DDX10: variants seen among roughly 807,000 people sequenced by gnomAD.
DDX10 encodes the protein probable ATP-dependent RNA helicase DDX10.
A neutral mutation model predicts 104.3 loss-of-function variants in DDX10; 74 were observed. That is an observed-to-expected ratio of 0.71 (90% CI 0.59 to 0.86). DDX10 has a LOEUF of 0.86. DDX10 is among the 40% of genes least tolerant of loss of function. The pLI, the probability that DDX10 is intolerant of heterozygous loss-of-function variation, is 0.00. For missense variants in DDX10, 952 were observed against 1,040.0 expected, an observed-to-expected ratio of 0.92 and a Z score of 1.16; for synonymous variants, 351 against 353.4, an observed-to-expected ratio of 0.99 and a Z score of 0.08.
chr11:108,680,526 G>A (rs2094233412), intron 6 of DDX10, among the ~76,000 whole-genome samples: 1 of 152,104 alleles, frequency 6.6e-6, no homozygotes, highest in African/African-American at 2.4e-5. Context: ...GCTGGGATAT[G>A]TTTTAAGTTG....
At chr11:108,747,812 G>C (rs2094333675) in intron 13 of DDX10, among the ~76,000 whole-genome samples, 1 of 151,996 alleles carries the variant, frequency 6.6e-6, no homozygotes. Context: ...CCTCTTGCTG[G>C]AAACATTATG....
chr11:108,797,206 G>A (rs1413981749), intron 13 of DDX10, among the ~76,000 whole-genome samples: 2 of 152,032 alleles, frequency 1.3e-5, no homozygotes, highest in African/African-American at 4.8e-5. Flanking sequence ...GCTAATTTTT[G>A]TATTTTTAGT....
At chr11:108,762,924 T>C (rs933493973) in intron 13 of DDX10, among the ~76,000 whole-genome samples, 9 of 152,346 alleles carry the variant, frequency 5.9e-5, no homozygotes, top group Middle Eastern at 3.4e-3. Context: ...TTTCCTTCGC[T>C]GTATGTAGAA....
At chr11:108,909,139 G>T (rs1377216943) in intron 16 of DDX10, among the ~76,000 whole-genome samples, 1 of 152,208 alleles carries the variant, frequency 6.6e-6, no homozygotes, top group Non-Finnish European at 1.5e-5. Context: ...CTGGTTACCA[G>T]AAAGACCAAA....
intron 16 of DDX10, among the ~76,000 whole-genome samples, chr11:108,871,518 C>G (rs940568959): frequency 6.6e-6 from 1 of 152,208 alleles, no homozygotes; most frequent in African/African-American, 2.4e-5. Context: ...AAAGAAATAT[C>G]TTTTCCTTCC....
intron 13 of DDX10, among the ~76,000 whole-genome samples, chr11:108,816,390 G>A (rs1444674312): frequency 1.3e-5 from 2 of 151,778 alleles, no homozygotes; most frequent in Non-Finnish European, 2.9e-5. Context: ...CAGTCACTTC[G>A]GACTCAGACC....
chr11:108,853,347 C>G (rs1314091921), intron 16 of DDX10, among the ~76,000 whole-genome samples: 3 of 152,076 alleles, frequency 2.0e-5, no homozygotes, highest in Non-Finnish European at 4.4e-5. Flanking sequence ...ATTGCATGTT[C>G]AGCATAAAAT....
At chr11:108,892,782 T>A (rs1863393389) in intron 16 of DDX10, among the ~76,000 whole-genome samples, 1 of 152,214 alleles carries the variant, frequency 6.6e-6, no homozygotes, top group Non-Finnish European at 1.5e-5. Context: ...ACCATTCTTT[T>A]AATGATGAAG....
In DDX10 at chr11:108,686,978, G is replaced by A. The variant is rs375063252; in HGVS notation, c.849-1958G>A. ...TTTTTTGTACTTTTAGTAGAGATGGGGTCTCACTGTGTTTGCCAGGATGGT... is the reference window on the plus strand; with the variant it reads ...TTTTTTGTACTTTTAGTAGAGATGGAGTCTCACTGTGTTTGCCAGGATGGT... On this transcript the variant is annotated intron_variant, in intron 6 of 17. Transcript: ENST00000322536. Among the ~76,000 whole-genome samples, 4 of 151,986 alleles carry A rather than the reference G, an allele frequency of 2.6e-5. No homozygotes were observed. In the South Asian group the frequency reaches 8.3e-4, roughly 32 times the overall value.
At chr11:108,831,036 GT>G (rs1862462262) in intron 13 of DDX10, among the ~76,000 whole-genome samples, 1 of 152,042 alleles carries the variant, frequency 6.6e-6, no homozygotes, top group East Asian at 1.9e-4. Flanking sequence ...TTAGAGTTTG[GT>G]TATTTAGCCA....
intron 1 of DDX10, among the ~76,000 whole-genome samples, chr11:108,668,708 TG>T (rs1268054030): frequency 6.6e-6 from 1 of 151,796 alleles, no homozygotes; most frequent in African/African-American, 2.4e-5. Flanking sequence ...TCTAGGCGGG[TG>T]TGAGTATATA....
At chr11:108,700,733 T>C (rs1357072594) in intron 9 of DDX10, among the ~76,000 whole-genome samples, 1 of 152,256 alleles carries the variant, frequency 6.6e-6, no homozygotes, top group Non-Finnish European at 1.5e-5. Context: ...TTAACTTCTC[T>C]AAGCCTCAGT....
chr11:108,848,283 C>G (rs972445767), intron 15 of DDX10, among the ~76,000 whole-genome samples: 10 of 152,072 alleles, frequency 6.6e-5, no homozygotes, highest in African/African-American at 1.7e-4. Context: ...ATAGCTATGG[C>G]CATTTAAGAG....
rs1165056369 is a variant in DDX10, at chr11:108,775,748, C to T, written c.1965+52286C>T. Among the ~76,000 whole-genome samples the T allele has an allele frequency of 2.6e-5, 4 of 152,148 alleles. No individual in the cohort carries two copies. In the East Asian group the frequency reaches 7.7e-4, roughly 29 times the overall value. On this transcript the variant is annotated intron_variant, in intron 13 of 17. Coordinates refer to ENST00000322536, the MANE Select transcript of DDX10 (RefSeq NM_004398.4). ...TTTTAGTACAATAAGTTAAATTTTT[C>T]TTTTTTACATTTTGAGGCATACTTT...
At chr11:108,798,802 A>T (rs1489845667) in intron 13 of DDX10, among the ~76,000 whole-genome samples, 1 of 152,126 alleles carries the variant, frequency 6.6e-6, no homozygotes. Context: ...TTAACTTTGC[A>T]TAGTGATTCA....
At chr11:108,750,926 CTTTTTTTTTTTTT>C (rs10582729) in intron 13 of DDX10, among the ~76,000 whole-genome samples, 32 of 24,258 alleles carry the variant, frequency 1.3e-3, no homozygotes, top group African/African-American at 2.6e-3. Context: ...CACCTGGTTA[CTTTTTTTTTTTTT>C]TTTTTTTTTT....
In DDX10 at chr11:108,813,585, A is replaced by T. The variant is rs150204376; in HGVS notation, c.1966-24861A>T. On this transcript the variant is annotated intron_variant, in intron 13 of 17. Transcript: ENST00000322536. ...ATTTTTAAACCTTTTATATTGGTGA[A>T]TTTGCCAGTTTTGTCTTTTATGGGT... 2.0e-5 allele frequency among the ~76,000 whole-genome samples: 3 copies of T among 152,200 alleles called. No individual in the cohort carries two copies. In the East Asian group the frequency reaches 5.8e-4, roughly 29 times the overall value.
intron 9 of DDX10, among the ~76,000 whole-genome samples, chr11:108,699,059 A>G (rs2094263851): frequency 6.6e-6 from 1 of 152,082 alleles, no homozygotes; most frequent in South Asian, 2.1e-4. Context: ...GTATTTACTT[A>G]GTATATTTTT....
chr11:108,835,564 A>T (rs1032712118), intron 13 of DDX10, among the ~76,000 whole-genome samples: 1 of 152,274 alleles, frequency 6.6e-6, no homozygotes, highest in Admixed American at 6.5e-5. Flanking sequence ...AATGAAACAC[A>T]GGAAAGAAGC....
Sources: allele counts gnomAD v4.1 joint callset (sites outside exome capture counted in the v4.1 genomes callset), GRCh38; gene constraint gnomAD v4.1.1; transcripts MANE v1.5; gene names NCBI Gene and HGNC (gene_info 2026-07-23, HGNC 2026-07-21).